The following MACF1 variants were observed in gnomAD, a reference collection of about 807,000 sequenced individuals.
MACF1 encodes microtubule-actin cross-linking factor 1.
A neutral mutation model predicts 854.8 loss-of-function variants in MACF1; 193 were observed. The ratio of observed to expected loss-of-function variants is 0.23; its 90% CI spans 0.20 to 0.25. The LOEUF (loss-of-function observed/expected upper bound fraction) is 0.25, where lower values mean the gene tolerates loss of function less well. MACF1 is among the 10% of genes least tolerant of loss of function. MACF1 has a pLI of 1.00. For missense variants in MACF1, 7,722 were observed against 8,929.1 expected (o/e 0.86, Z 5.45); for synonymous variants, 3,185 against 3,226.7 (o/e 0.99, Z 0.44).
intron 2 of MACF1, among the ~76,000 whole-genome samples, chr1:39,163,897 A>G (rs1244089341): frequency 1.3e-5 from 2 of 152,222 alleles, no homozygotes; most frequent in African/African-American, 4.8e-5. Flanking sequence ...GAAAGCAGGG[A>G]AAAATAAACT....
intron 25 of MACF1, 49 bp downstream of exon 25, chr1:39,310,477 C>T (rs1360502509): frequency 3.2e-6 from 5 of 1,557,250 alleles, no homozygotes; most frequent in Non-Finnish European, 2.6e-6. Context: ...GAGAGCCTTT[C>T]AAGGGGTTGC....
chr1:39,430,030 A>G lies in MACF1; in HGVS notation c.17092A>G (p.Thr5698Ala), dbSNP rs1213554401. 6.2e-7 allele frequency: 1 copy of G among 1,613,924 alleles called. No individual in the cohort carries two copies. The highest frequency in any genetic ancestry group is 8.5e-7 in the Non-Finnish European group (1 of 1,179,886). Residue 5698 changes from threonine to alanine, a missense_variant, in exon 65 of 101, where the codon ACA (threonine) becomes GCA (alanine). By Grantham distance (58) the Thr-to-Ala change is moderately conservative. This residue lies in a region of MACF1 where 2,807 missense variants were observed against 3,235.8 expected (regional missense o/e 0.87). Transcript: ENST00000564288. ...GGCAACCAGTGGAGGACAGTCTCCC[A>G]CAGGGGAACAGATACCCCAGTTTCA... ...ELATSGGQSP[T>A]GEQIPQFQQR... is the part of the protein sequence containing the mutation.
At chr1:39,345,526 G>A (rs1318238700) in intron 40 of MACF1, among the ~76,000 whole-genome samples, 1 of 152,168 alleles carries the variant, frequency 6.6e-6, no homozygotes, top group Admixed American at 6.5e-5. Context: ...TGAGAGGATT[G>A]CTTGAGCCCA....
At chr1:39,450,116 C>T (rs923371524) in intron 84 of MACF1, among the ~76,000 whole-genome samples, 34 of 152,016 alleles carry the variant, frequency 2.2e-4, no homozygotes, top group Non-Finnish European at 4.4e-4. Flanking sequence ...CCTGCCTCGG[C>T]GTCCCAAAGT....
intron 36 of MACF1, among the ~76,000 whole-genome samples, chr1:39,328,932 G>A (rs1289359439): frequency 1.3e-5 from 2 of 152,122 alleles, no homozygotes; most frequent in African/African-American, 2.4e-5. Context: ...CAGCATTTTT[G>A]AGACTCCATG....
At chr1:39,145,648 G>A (rs1322342998) in intron 2 of MACF1, among the ~76,000 whole-genome samples, 1 of 152,132 alleles carries the variant, frequency 6.6e-6, no homozygotes, top group Non-Finnish European at 1.5e-5. Flanking sequence ...TGACTTGCTT[G>A]CAGAACTCAG....
intron 97 of MACF1, among the ~76,000 whole-genome samples, chr1:39,471,346 A>G (rs932315392): frequency 6.6e-6 from 1 of 152,202 alleles, no homozygotes; most frequent in Non-Finnish European, 1.5e-5. Flanking sequence ...TTCTGGAAAC[A>G]GTGCTTATGG....
At chr1:39,396,679 A>G (rs1642287517) in intron 58 of MACF1, among the ~76,000 whole-genome samples, 1 of 152,232 alleles carries the variant, frequency 6.6e-6, no homozygotes, top group South Asian at 2.1e-4. Context: ...AAGCTCGCTA[A>G]TAAGCTATGA....
intron 14 of MACF1, among the ~76,000 whole-genome samples, chr1:39,286,387 C>G (rs1159892516): frequency 6.6e-6 from 1 of 152,040 alleles, no homozygotes; most frequent in Non-Finnish European, 1.5e-5. Context: ...CATTGGTGAT[C>G]CATCACATTC....
intron 6 of MACF1, among the ~76,000 whole-genome samples, chr1:39,262,327 G>T (rs1381103932): frequency 6.7e-6 from 1 of 149,114 alleles, no homozygotes; most frequent in African/African-American, 2.5e-5. Context: ...CTTGAACCCG[G>T]GAGGTGGAGG....
At chr1:39,309,483 T>C in intron 23 of MACF1, 87 bp from the exon 24 acceptor site, 1 of 1,509,592 alleles carries the variant, frequency 6.6e-7, no homozygotes, top group South Asian at 1.2e-5. Context: ...TCAATTCTGC[T>C]AAGGCAATCA....
chr1:39,131,151 CTTTTTTTTTTTT>C (rs34762038), intron 2 of MACF1, among the ~76,000 whole-genome samples: 9 of 42,348 alleles, frequency 2.1e-4, no homozygotes, highest in Admixed American at 4.9e-4. Context: ...TGCGCCCGGC[CTTTTTTTTTTTT>C]TTTTTTTTTT....
chr1:39,085,372 G>A (rs1022286946), intron 2 of MACF1, among the ~76,000 whole-genome samples: 15 of 152,312 alleles, frequency 9.8e-5, no homozygotes, highest in East Asian at 3.9e-4. Context: ...GTTACAGTAC[G>A]GATAGGAAGA....
chr1:39,367,106 C>T (rs1026904059), intron 49 of MACF1, among the ~76,000 whole-genome samples: 1 of 151,962 alleles, frequency 6.6e-6, no homozygotes, highest in Non-Finnish European at 1.5e-5. Context: ...GCCACCATGC[C>T]CAGCTAATTT....
At chr1:39,353,791 C>G (rs1647292080) in intron 44 of MACF1, among the ~76,000 whole-genome samples, 1 of 152,024 alleles carries the variant, frequency 6.6e-6, no homozygotes, top group Non-Finnish European at 1.5e-5. Flanking sequence ...TCCATTCTCT[C>G]TCTCACTCTC....
chr1:39,340,192 C>T (rs952625955), intron 38 of MACF1, among the ~76,000 whole-genome samples: 9 of 152,160 alleles, frequency 5.9e-5, no homozygotes, highest in Non-Finnish European at 8.8e-5. Flanking sequence ...GAGCACACTG[C>T]ACTGAGTGAG....
intron 2 of MACF1, among the ~76,000 whole-genome samples, chr1:39,127,424 T>G (rs1642886881): frequency 6.6e-6 from 1 of 152,190 alleles, no homozygotes; most frequent in African/African-American, 2.4e-5. Flanking sequence ...GTTAAGCACT[T>G]TATATACATT....
At position 39,335,761 on chromosome 1, in the gene MACF1, T is replaced by C; in HGVS notation, c.9173T>C (p.Leu3058Ser). 6.2e-7 allele frequency: 1 copy of C among 1,614,142 alleles called. No homozygotes were observed. The highest frequency in any genetic ancestry group is 2.2e-5 in the East Asian group (1 of 44,892). ...VVPQGISVKHLDALTLFSSKQ... is the reference protein window; with the variant it reads ...VVPQGISVKHSDALTLFSSKQ... The stretch of plus-strand genomic sequence containing the variant: ...CCTCAAGGAATTTCTGTAAAACATT[T>C]AGATGCTTTAACACTCTTCAGCTCT... Residue 3058 changes from leucine to serine, a missense_variant, in exon 37 of 101, where the codon TTA becomes TCA. Physicochemically the swap from Leu to Ser is moderately radical, Grantham distance 145 (BLOSUM62 -2). This residue lies in a region of MACF1 where 854 missense variants were observed against 852.6 expected (regional missense o/e 1.00). Coordinates refer to ENST00000564288, the MANE Select transcript of MACF1 (RefSeq NM_001394062.1).
At chr1:39,152,053 CA>C (rs1643590755) in intron 2 of MACF1, among the ~76,000 whole-genome samples, 1 of 152,088 alleles carries the variant, frequency 6.6e-6, no homozygotes, top group African/African-American at 2.4e-5. Context: ...CAGCTCACTG[CA>C]ACCTCCACCT....
Sources: gnomAD v4.1 joint callset for allele counts (sites outside exome capture counted in the v4.1 genomes callset) on GRCh38, gnomAD v4.1.1 for gene constraint, gnomAD v4.1.1 regional missense constraint, MANE v1.5 for transcripts, NCBI Gene and HGNC (gene_info 2026-07-23, HGNC 2026-07-21) for gene names.